Variants in MOB1B observed in about 807,000 individuals in gnomAD.
The protein encoded by MOB1B is MOB kinase activator 1B.
MOB1B carries 19 observed loss-of-function variants against 24.4 expected under a neutral mutation model. That is an observed-to-expected ratio of 0.78 (90% confidence interval 0.54 to 1.14). The LOEUF is 1.14. MOB1B is among the 50% of genes most tolerant of loss of function. The probability of loss-of-function intolerance (pLI) is 0.00; values close to 1 mark genes in which losing one functional copy is unlikely to be tolerated. For missense variants in MOB1B, 243 were observed against 259.6 expected (o/e 0.94, Z 0.44); for synonymous variants, 76 against 82.1 (o/e 0.93, Z 0.40).
At chr4:70,960,369 GTAA>G (rs1359819966) in intron 2 of MOB1B, among the ~76,000 whole-genome samples, 2 of 152,004 alleles carry the variant, frequency 1.3e-5, no homozygotes, top group Admixed American at 6.6e-5. Flanking sequence ...GAAAAAAATA[GTAA>G]TAATAGAATT....
intron 4 of MOB1B, chr4:70,976,242 C>T: frequency 3.0e-6 from 3 of 984,372 alleles, no homozygotes; most frequent in Non-Finnish European, 3.6e-6. Flanking sequence ...GCCCAAAAAA[C>T]AGAATGGATA....
intron 3 of MOB1B, among the ~76,000 whole-genome samples, chr4:70,972,019 TG>T (rs201588418): frequency 1.3e-4 from 19 of 151,176 alleles, no homozygotes; most frequent in East Asian, 3.9e-4. Flanking sequence ...TTTTTTTTTT[TG>T]GGGAGAATCG....
intron 1 of MOB1B, among the ~76,000 whole-genome samples, chr4:70,937,509 C>G (rs1218952828): frequency 2.0e-5 from 3 of 149,724 alleles, no homozygotes; most frequent in Non-Finnish European, 3.0e-5. Context: ...TTTCTCGTTT[C>G]CCATCTGTTT....
At chr4:70,914,881 C>A (rs1168700825) in intron 1 of MOB1B, among the ~76,000 whole-genome samples, 1 of 152,144 alleles carries the variant, frequency 6.6e-6, no homozygotes, top group African/African-American at 2.4e-5. Flanking sequence ...GTGGGCCCCT[C>A]CTGTAGCATA....
chr4:70,936,652 T>A (rs1436431779), intron 1 of MOB1B, among the ~76,000 whole-genome samples: 2 of 152,206 alleles, frequency 1.3e-5, no homozygotes, highest in African/African-American at 4.8e-5. Flanking sequence ...ACATAGTTCT[T>A]GGGTTGGATT....
intron 3 of MOB1B, among the ~76,000 whole-genome samples, chr4:70,970,539 G>A (rs1354617105): frequency 1.3e-5 from 2 of 152,048 alleles, no homozygotes; most frequent in Non-Finnish European, 2.9e-5. Flanking sequence ...CCCTTTTGGT[G>A]CAAGGACAGA....
chr4:70,910,966 T>C (rs887680633), intron 1 of MOB1B, among the ~76,000 whole-genome samples: 6 of 152,122 alleles, frequency 3.9e-5, no homozygotes, highest in Non-Finnish European at 8.8e-5. Context: ...TTTTGTACTT[T>C]TAGTATGGAT....
chr4:70,980,503 C>T (rs1739168155), intron 5 of MOB1B, among the ~76,000 whole-genome samples: 1 of 152,114 alleles, frequency 6.6e-6, no homozygotes, highest in South Asian at 2.1e-4. Flanking sequence ...TATCTCAGGA[C>T]ACTGTGAGCT....
intron 1 of MOB1B, among the ~76,000 whole-genome samples, chr4:70,939,135 A>C (rs1005169733): frequency 1.3e-5 from 2 of 152,226 alleles, no homozygotes; most frequent in Non-Finnish European, 2.9e-5. Context: ...ACAATAACAC[A>C]ATTTCCTTTC....
intron 4 of MOB1B, chr4:70,976,436 G>A (rs1738999308): frequency 2.0e-5 from 20 of 985,284 alleles, no homozygotes; most frequent in Non-Finnish European, 2.3e-5. Context: ...CAAGATTTGA[G>A]GGGTTGCTGT....
intron 1 of MOB1B, among the ~76,000 whole-genome samples, chr4:70,936,927 A>AT (rs987386987): frequency 6.6e-6 from 1 of 150,906 alleles, no homozygotes; most frequent in Non-Finnish European, 1.5e-5. Flanking sequence ...TTTTTTTTTA[A>AT]TTTTTTTGAG....
At chr4:70,926,660 G>C (rs1460484994) in intron 1 of MOB1B, among the ~76,000 whole-genome samples, 4 of 152,168 alleles carry the variant, frequency 2.6e-5, no homozygotes, top group Admixed American at 2.6e-4. Context: ...GTGTGTAAAA[G>C]CGAAGTGTTA....
At chr4:70,915,858 G>T (rs1046961912) in intron 1 of MOB1B, among the ~76,000 whole-genome samples, 1 of 152,132 alleles carries the variant, frequency 6.6e-6, no homozygotes, top group African/African-American at 2.4e-5. Context: ...ATGGCCAGGG[G>T]TGGTGTCTTC....
chr4:70,953,359 T>G (rs927277152), intron 1 of MOB1B, among the ~76,000 whole-genome samples: 6 of 152,124 alleles, frequency 3.9e-5, no homozygotes, highest in African/African-American at 1.4e-4. Context: ...CTAACAAAGA[T>G]TTTAAAAAGA....
At chr4:70,945,772 A>G (rs969361009) in intron 1 of MOB1B, among the ~76,000 whole-genome samples, 2 of 152,326 alleles carry the variant, frequency 1.3e-5, no homozygotes, top group Admixed American at 1.3e-4. Flanking sequence ...GAACACAGAG[A>G]AGGCATCCTT....
intron 3 of MOB1B, among the ~76,000 whole-genome samples, chr4:70,971,534 A>G (rs1308945335): frequency 1.3e-5 from 2 of 151,786 alleles, no homozygotes; most frequent in African/African-American, 4.8e-5. Flanking sequence ...TAATTTAAAG[A>G]CATAGGTGTC....
intron 4 of MOB1B, among the ~76,000 whole-genome samples, chr4:70,978,719 AT>A (rs1686195275): frequency 6.6e-6 from 1 of 152,212 alleles, no homozygotes; most frequent in African/African-American, 2.4e-5. Context: ...AAAGTACAAT[AT>A]AAACTGCAAG....
chr4:70,958,791 T>A, intron 1 of MOB1B, 83 bp from the exon 2 acceptor site: 1 of 1,228,268 alleles, frequency 8.1e-7, no homozygotes, highest in Non-Finnish European at 1.2e-6. Flanking sequence ...GCCAATACAG[T>A]TTAGGTCTAA....
intron 4 of MOB1B, chr4:70,975,578 G>C (rs2148902680): frequency 9.8e-7 from 1 of 1,016,620 alleles, no homozygotes; most frequent in Non-Finnish European, 1.2e-6. Flanking sequence ...CTCTCTTAAG[G>C]TAATTATTTT....
Sources: gnomAD v4.1 joint callset for allele counts (sites outside exome capture counted in the v4.1 genomes callset) on GRCh38, gnomAD v4.1.1 for gene constraint, MANE v1.5 for transcripts, NCBI Gene and HGNC (gene_info 2026-07-23, HGNC 2026-07-21) for gene names.